Variants in DAPK2 observed in about 807,000 individuals in gnomAD.
The protein encoded by DAPK2 is death-associated protein kinase 2.
A neutral mutation model predicts 44.1 loss-of-function variants in DAPK2; 35 were observed. The observed-to-expected ratio is 0.79, with a 90% CI of 0.61 to 1.05. The LOEUF (loss-of-function observed/expected upper bound fraction) is 1.05. DAPK2 is among the 50% of genes least tolerant of loss of function. The pLI, the probability that DAPK2 is intolerant of heterozygous loss-of-function variation, is 0.00. For missense variants in DAPK2, 453 were observed against 483.2 expected (o/e 0.94, Z 0.59); for synonymous variants, 174 against 182.6 (o/e 0.95, Z 0.38).
At chr15:63,962,854 G>T (rs145456025) in intron 3 of DAPK2, among the ~76,000 whole-genome samples, 4,275 of 152,306 alleles carry the variant, frequency 0.028, 90 homozygotes, top group South Asian at 0.092. Flanking sequence ...TCCATGCTGG[G>T]AGAACCACTA....
chr15:63,987,308 G>A (rs898050245), intron 1 of DAPK2, among the ~76,000 whole-genome samples: 1 of 152,206 alleles, frequency 6.6e-6, no homozygotes, highest in African/African-American at 2.4e-5. Context: ...GTCCCACAGT[G>A]CAGAAGTCGC....
At chr15:63,915,934 CT>C (rs2078915313) in intron 8 of DAPK2, among the ~76,000 whole-genome samples, 1 of 151,318 alleles carries the variant, frequency 6.6e-6, no homozygotes, top group South Asian at 2.1e-4. Context: ...GGCACAAACA[CT>C]TTTGATTCGA....
chr15:63,907,425 C>CTT (rs751101150), exon 11 of DAPK2: 4 of 145,144 alleles, frequency 2.8e-5, no homozygotes, highest in Non-Finnish European at 6.1e-5. Context: ...TCTCTGGCAA[C>CTT]TTTTTTTTTT....
chr15:63,937,262 A>T (rs771102547), intron 4 of DAPK2, among the ~76,000 whole-genome samples: 49 of 152,236 alleles, frequency 3.2e-4, no homozygotes, highest in Non-Finnish European at 6.8e-4. Context: ...CACAAAAGCC[A>T]ATGAGGTATA....
In DAPK2 at chr15:64,027,193, C is replaced by T. The variant is rs141997761; in HGVS notation, c.92+12977G>A. 5.3e-5 allele frequency among the ~76,000 whole-genome samples: 8 copies of T among 152,234 alleles called. No individual in the cohort carries two copies. The East Asian group carries it at 1.5e-3, about 29-fold the overall frequency. On this transcript the variant is annotated intron_variant, in intron 1 of 10. Coordinates refer to ENST00000261891, the Ensembl canonical transcript of DAPK2. ...AGGTCAGGAATTCGAGACCAGCCAG[C>T]CAACATGGTGAAACCCTGTCTCTAC... is the stretch of plus-strand genomic sequence containing the variant.
chr15:63,909,746 G>A (rs143177902), intron 10 of DAPK2: 10,311 of 152,010 alleles, frequency 0.068, 460 homozygotes, highest in African/African-American at 0.12. Context: ...AGGTTGCAGC[G>A]AGCTGAGATG....
At chr15:63,995,925 G>A (rs1444556855) in intron 1 of DAPK2, among the ~76,000 whole-genome samples, 3 of 152,224 alleles carry the variant, frequency 2.0e-5, no homozygotes, top group Admixed American at 6.5e-5. Context: ...GGACTCACAT[G>A]TTGGCTTTCT....
chr15:63,937,946 C>T (rs1411631550), intron 4 of DAPK2, among the ~76,000 whole-genome samples: 1 of 152,202 alleles, frequency 6.6e-6, no homozygotes, highest in African/African-American at 2.4e-5. Flanking sequence ...GTGTGTCATT[C>T]TGAGTATGGC....
At chr15:63,922,897 G>A (rs141859628) in intron 8 of DAPK2, 21 of 1,535,898 alleles carry the variant, frequency 1.4e-5, no homozygotes, top group African/African-American at 5.5e-5. Flanking sequence ...GCAGGTCTGC[G>A]GAGAGCTCCT....
intron 2 of DAPK2, among the ~76,000 whole-genome samples, chr15:63,976,925 C>T (rs753209451): frequency 3.3e-5 from 5 of 152,116 alleles, no homozygotes; most frequent in Non-Finnish European, 5.9e-5. Flanking sequence ...TTCTATTGGA[C>T]AGCGCCAATA....
At chr15:63,935,303 C>T (rs1378886297) in intron 4 of DAPK2, among the ~76,000 whole-genome samples, 1 of 151,916 alleles carries the variant, frequency 6.6e-6, no homozygotes, top group African/African-American at 2.4e-5. Flanking sequence ...GTTGGTCAGG[C>T]TGGTCTCGAG....
At chr15:64,036,338 C>CATATATATATATATATATATACAT (rs60386813) in intron 1 of DAPK2, among the ~76,000 whole-genome samples, 1 of 42,960 alleles carries the variant, frequency 2.3e-5, no homozygotes, top group Non-Finnish European at 6.5e-5. Context: ...TATATATATA[C>CATATATATATATATATATATACAT]ATATATATAT....
intron 1 of DAPK2, among the ~76,000 whole-genome samples, chr15:64,025,338 C>T (rs998986784): frequency 6.6e-6 from 1 of 152,184 alleles, no homozygotes; most frequent in Non-Finnish European, 1.5e-5. Flanking sequence ...GGCCAGGTAT[C>T]GAGGAGACAC....
chr15:63,928,305 C>T (rs913098545), intron 6 of DAPK2: 1 of 152,284 alleles, frequency 6.6e-6, no homozygotes, highest in Non-Finnish European at 1.5e-5. Context: ...GGGGGATCCA[C>T]CACGTCACAC....
At chr15:63,929,044 T>C (rs536777370) in intron 6 of DAPK2, among the ~76,000 whole-genome samples, 1 of 152,048 alleles carries the variant, frequency 6.6e-6, no homozygotes, top group African/African-American at 2.4e-5. Context: ...CTACTAAAAA[T>C]ACAAAATTAG....
At chr15:63,938,375 C>T (rs1460153999) in intron 4 of DAPK2, among the ~76,000 whole-genome samples, 1 of 152,228 alleles carries the variant, frequency 6.6e-6, no homozygotes, top group Non-Finnish European at 1.5e-5. Flanking sequence ...TAGTGCCTGG[C>T]ACACAGCAAG....
chr15:63,958,787 T>C (rs975290245), intron 3 of DAPK2, among the ~76,000 whole-genome samples: 2 of 152,244 alleles, frequency 1.3e-5, no homozygotes, highest in African/African-American at 4.8e-5. Flanking sequence ...TCAGGTAGCA[T>C]GATGCCTCCA....
chr15:63,976,147 C>T (rs776565799), intron 2 of DAPK2, among the ~76,000 whole-genome samples: 8 of 152,240 alleles, frequency 5.3e-5, no homozygotes, highest in African/African-American at 1.9e-4. Context: ...AACCTAAATC[C>T]GCTTAAGCCT....
intron 8 of DAPK2, among the ~76,000 whole-genome samples, chr15:63,915,416 C>G (rs546835785): frequency 6.6e-6 from 1 of 152,348 alleles, no homozygotes; most frequent in East Asian, 1.9e-4. Context: ...ACCTTTGAGC[C>G]TAACCCTCAC....
Sources: allele counts gnomAD v4.1 joint callset (sites outside exome capture counted in the v4.1 genomes callset), GRCh38; gene constraint gnomAD v4.1.1; transcripts MANE v1.5; gene names NCBI Gene and HGNC (gene_info 2026-07-23, HGNC 2026-07-21).